The following ACSL5 variants were observed in gnomAD, a reference collection of about 807,000 sequenced individuals.
The protein encoded by ACSL5 is long-chain-fatty-acid--CoA ligase 5.
ACSL5 carries 50 observed loss-of-function variants against 84.9 expected under a neutral mutation model. The ratio of observed to expected loss-of-function variants is 0.59; its 90% CI spans 0.47 to 0.75. The LOEUF is 0.75. Among genes scored for constraint, ACSL5 ranks in the 30% least tolerant of loss-of-function variants. ACSL5 has a pLI of 0.00. For synonymous variants in ACSL5, 280 were observed against 300.7 expected, an observed-to-expected ratio of 0.93 and a Z score of 0.71; for missense variants, 775 against 830.4, an observed-to-expected ratio of 0.93 and a Z score of 0.82.
At chr10:112,386,456 A>G (rs1046801168) in intron 1 of ACSL5, among the ~76,000 whole-genome samples, 2 of 152,076 alleles carry the variant, frequency 1.3e-5, no homozygotes, top group Non-Finnish European at 2.9e-5. Flanking sequence ...GGCCTTCCAA[A>G]GTGCTGGGAT....
intron 3 of ACSL5, 86 bp downstream of exon 3, chr10:112,399,095 C>T (rs912259357): frequency 2.6e-6 from 3 of 1,147,292 alleles, no homozygotes; most frequent in Non-Finnish European, 3.9e-6. Flanking sequence ...TTCTAAAACC[C>T]CAGCTATTTA....
rs891588244 is a variant in ACSL5 at position 112,412,098 on chromosome 10, G to T, written c.948+119G>T. 15 of 1,057,330 alleles carry T rather than the reference G, an allele frequency of 1.4e-5. No individual in the cohort carries two copies. In the African/African-American group the frequency reaches 2.3e-4, roughly 16 times the overall value. The allele number at this position is 1,057,330 out of a possible 1,614,324, so 65.5% of individuals were successfully genotyped here. A position where few individuals can be genotyped will look rare whatever the true frequency, so the allele number is the denominator to read the frequency against. The stretch of plus-strand genomic sequence containing the variant: ...TCTTTCTCCGGTGTGAGAGGTGCAG[G>T]CAAGGAGTTGGCTCATGGGAGCCCT... On this transcript the variant is annotated intron_variant, in intron 11 of 20. Transcript: ENST00000354655.
chr10:112,391,160 C>T (rs918598418), intron 1 of ACSL5, among the ~76,000 whole-genome samples: 2 of 152,246 alleles, frequency 1.3e-5, no homozygotes, highest in Admixed American at 1.3e-4. Flanking sequence ...GGGCGGATCA[C>T]CTGAGGTCAG....
chr10:112,379,805 A>G (rs1849314267), intron 1 of ACSL5, among the ~76,000 whole-genome samples: 2 of 152,300 alleles, frequency 1.3e-5, no homozygotes, highest in African/African-American at 4.8e-5. Context: ...GCCCCTGGCA[A>G]TGACACCGTT....
intron 2 of ACSL5, among the ~76,000 whole-genome samples, chr10:112,395,615 A>G (rs1448725413): frequency 6.6e-6 from 1 of 152,114 alleles, no homozygotes; most frequent in African/African-American, 2.4e-5. Flanking sequence ...AGTTAAATTT[A>G]TTTTTCTTAA....
chr10:112,424,177 A>G (rs1844583822), intron 17 of ACSL5, among the ~76,000 whole-genome samples: 1 of 152,238 alleles, frequency 6.6e-6, no homozygotes, highest in Non-Finnish European at 1.5e-5. Flanking sequence ...GAAGATACAG[A>G]GACATATTTT....
intron 7 of ACSL5, 191 bp from the exon 8 acceptor site, chr10:112,410,272 A>G: frequency 4.5e-6 from 7 of 1,540,498 alleles, no homozygotes; most frequent in Non-Finnish European, 6.1e-6. Context: ...ATGATTTTCT[A>G]GAGAAATCTT....
chr10:112,407,154 C>G (rs1398965639), intron 5 of ACSL5, among the ~76,000 whole-genome samples: 2 of 152,128 alleles, frequency 1.3e-5, no homozygotes, highest in Non-Finnish European at 2.9e-5. Context: ...ATTACCTCCC[C>G]CTGGGTCCCT....
rs1363800832 is a variant in ACSL5, at chr10:112,421,584, G to A, written c.1315-9G>A. 6.2e-7 allele frequency: 1 copy of A among 1,613,690 alleles called. No individual in the cohort carries two copies. Among genetic ancestry groups the A allele is most frequent in the Non-Finnish European group, 8.5e-7 (1 of 1,179,598 alleles). On this transcript the variant is annotated splice_polypyrimidine_tract_variant and intron_variant, in intron 14 of 20. Coordinates refer to ENST00000354655, the MANE Select transcript of ACSL5 (RefSeq NM_203379.2). ...GAGTAAGTCTAAAAGCTCTTCTTTG[G>A]TTTCCCAGGTGTATGAAGCTTATGG... is the stretch of plus-strand genomic sequence containing the variant.
chr10:112,410,695 C>T (rs1039918149), intron 9 of ACSL5, 60 bp downstream of exon 9: 5 of 1,544,888 alleles, frequency 3.2e-6, no homozygotes, highest in Non-Finnish European at 4.4e-6. Context: ...GGCTTCAATT[C>T]TTGGCCACTG....
In ACSL5 at chr10:112,376,444, G is replaced by A. The variant is rs147992416; in HGVS notation, c.-30+2175G>A. 663 of 1,614,080 alleles carry A rather than the reference G, an allele frequency of 4.1e-4. 3 individuals are homozygous for A. Among genetic ancestry groups the A allele is most frequent in the Admixed American group, 2.2e-3 (130 of 60,030 alleles). Reference sequence around the variant, plus strand: ...AAGCACTGAGAGATGCGGCCCCCTCGCAGGGTAAGGGGACCATCGAGGGGG... The same window carrying A: ...AAGCACTGAGAGATGCGGCCCCCTCACAGGGTAAGGGGACCATCGAGGGGG... On this transcript the variant is annotated intron_variant, in intron 1 of 20. Coordinates refer to ENST00000354655, the MANE Select transcript of ACSL5 (RefSeq NM_203379.2).
intron 6 of ACSL5, 53 bp downstream of exon 6, chr10:112,408,574 T>A (rs1268298999): frequency 7.4e-6 from 9 of 1,215,226 alleles, no homozygotes; most frequent in Non-Finnish European, 1.1e-5. Context: ...GCTGAGTATT[T>A]CTTCAATTTC....
chr10:112,393,345 G>A (rs1290856428), intron 1 of ACSL5, among the ~76,000 whole-genome samples: 1 of 152,198 alleles, frequency 6.6e-6, no homozygotes, highest in Non-Finnish European at 1.5e-5. Context: ...TGGAAGTTCA[G>A]TTTTCTCCTC....
At position 112,427,528 on chromosome 10, in the gene ACSL5, C is replaced by T. The variant is rs1420589496; in HGVS notation, c.*170C>T. On this transcript the variant is annotated 3_prime_UTR_variant, in exon 21 of 21. Transcript: ENST00000354655. ...AGACATATAATGTGTAAACTTAGTT[C>T]CCAAATAAATCAATCCTGTCTTTCC... 1 of 526,104 alleles carries T rather than the reference C, an allele frequency of 1.9e-6. No individual in the cohort carries two copies. Among genetic ancestry groups the T allele is most frequent in the Non-Finnish European group, 3.1e-6 (1 of 325,446 alleles). The allele number at this position is 526,104 out of a possible 1,614,324, so 32.6% of individuals were successfully genotyped here.
At chr10:112,399,139 A>C (rs1432491130) in intron 3 of ACSL5, 130 bp downstream of exon 3, 2 of 740,886 alleles carry the variant, frequency 2.7e-6, no homozygotes. Context: ...GCAACATGCA[A>C]AATAGAGGCA....
intron 1 of ACSL5, among the ~76,000 whole-genome samples, chr10:112,377,407 G>T (rs1271423736): frequency 6.6e-6 from 1 of 152,146 alleles, no homozygotes; most frequent in Non-Finnish European, 1.5e-5. Flanking sequence ...TGGCGTGGTG[G>T]CGTACGCCTG....
At chr10:112,383,234 G>A (rs1260143089) in intron 1 of ACSL5, among the ~76,000 whole-genome samples, 1 of 152,258 alleles carries the variant, frequency 6.6e-6, no homozygotes, top group Non-Finnish European at 1.5e-5. Context: ...GCAGTGAGCT[G>A]AGCATGTTAG....
chr10:112,384,173 A>G (rs950584205), intron 1 of ACSL5, among the ~76,000 whole-genome samples: 1 of 152,132 alleles, frequency 6.6e-6, no homozygotes, highest in African/African-American at 2.4e-5. Flanking sequence ...GCAACAGAGC[A>G]AGACTCTGTC....
At chr10:112,418,357 G>A (rs760484959) in intron 14 of ACSL5, among the ~76,000 whole-genome samples, 14 of 152,064 alleles carry the variant, frequency 9.2e-5, no homozygotes, top group East Asian at 1.9e-4. Context: ...TGAGACGGGC[G>A]GATCACGAGG....
Sources: allele counts gnomAD v4.1 joint callset (sites outside exome capture counted in the v4.1 genomes callset), GRCh38; gene constraint gnomAD v4.1.1; transcripts MANE v1.5; gene names NCBI Gene and HGNC (gene_info 2026-07-23, HGNC 2026-07-21).